Variants in RBFOX3 observed in about 807,000 individuals in gnomAD.
RBFOX3 encodes the protein RNA binding fox-1 homolog 3, also known as RNA binding protein fox-1 homolog 3.
In RBFOX3, 17 loss-of-function variants were observed where a neutral mutation model predicts 48.7. The ratio of observed to expected loss-of-function variants is 0.35; its 90% CI spans 0.24 to 0.52. The LOEUF (loss-of-function observed/expected upper bound fraction) is 0.52, where lower values mean the gene tolerates loss of function less well. Among genes scored for constraint, RBFOX3 ranks in the 20% least tolerant of loss-of-function variants. The pLI is 0.94. For missense variants in RBFOX3, 382 were observed against 497.5 expected, an observed-to-expected ratio of 0.77 and a Z score of 2.21; for synonymous variants, 212 against 209.5, an observed-to-expected ratio of 1.01 and a Z score of -0.10.
At chr17:79,179,635 G>A (rs1475890126) in intron 4 of RBFOX3, among the ~76,000 whole-genome samples, 1 of 152,110 alleles carries the variant, frequency 6.6e-6, no homozygotes, top group South Asian at 2.1e-4. Flanking sequence ...TCTTTTATAG[G>A]AGACTGCAGT....
At chr17:79,576,002 T>C (rs2092845174) in intron 1 of RBFOX3, among the ~76,000 whole-genome samples, 1 of 152,218 alleles carries the variant, frequency 6.6e-6, no homozygotes, top group Non-Finnish European at 1.5e-5. Flanking sequence ...CTCTAGGGAT[T>C]AAGTCCAACA....
chr17:79,143,060 T>C (rs2042225405), intron 4 of RBFOX3, among the ~76,000 whole-genome samples: 1 of 152,046 alleles, frequency 6.6e-6, no homozygotes, highest in Non-Finnish European at 1.5e-5. Flanking sequence ...CTGCTTCCCA[T>C]CTGTAAAGGG....
chr17:79,211,143 G>T (rs1211212673), intron 4 of RBFOX3, among the ~76,000 whole-genome samples: 1 of 152,234 alleles, frequency 6.6e-6, no homozygotes, highest in Non-Finnish European at 1.5e-5. Context: ...AGCGTCCGGC[G>T]GTCTCAGTCC....
At chr17:79,285,912 A>G (rs1803901420) in intron 3 of RBFOX3, among the ~76,000 whole-genome samples, 1 of 152,084 alleles carries the variant, frequency 6.6e-6, no homozygotes, top group Admixed American at 6.6e-5. Context: ...TGAACTCCTG[A>G]CCTCAGATGA....
intron 1 of RBFOX3, among the ~76,000 whole-genome samples, chr17:79,513,040 G>A (rs1272611507): frequency 2.7e-5 from 4 of 146,076 alleles, no homozygotes; most frequent in East Asian, 2.0e-4. Context: ...TGTTACCATC[G>A]GGTACGGCCC....
intron 1 of RBFOX3, among the ~76,000 whole-genome samples, chr17:79,586,549 G>A (rs1163445709): frequency 1.3e-5 from 2 of 152,250 alleles, no homozygotes; most frequent in African/African-American, 2.4e-5. Context: ...GCATGAGGAC[G>A]TTCCTCAACT....
At chr17:79,305,265 G>T (rs757661073) in intron 3 of RBFOX3, among the ~76,000 whole-genome samples, 6 of 152,078 alleles carry the variant, frequency 3.9e-5, no homozygotes, top group African/African-American at 7.2e-5. Flanking sequence ...GGAACCCTGC[G>T]GCCGGCCAAG....
chr17:79,656,816 AG>A, the RBFOX3 span, among the ~76,000 whole-genome samples: 9 of 44,340 alleles, frequency 2.0e-4, no homozygotes, highest in South Asian at 2.4e-3. Context: ...GAAAAGAAAG[AG>A]AAAGAAAGAA....
chr17:79,455,308 T>C (rs1397326273), intron 2 of RBFOX3, among the ~76,000 whole-genome samples: 1 of 152,118 alleles, frequency 6.6e-6, no homozygotes, highest in Non-Finnish European at 1.5e-5. Context: ...CAGTGGCATC[T>C]GGGGAGGAGA....
At chr17:79,246,276 C>T (rs2063158459) in intron 3 of RBFOX3, among the ~76,000 whole-genome samples, 1 of 152,224 alleles carries the variant, frequency 6.6e-6, no homozygotes, top group South Asian at 2.1e-4. Context: ...GAGCCACCTT[C>T]CCTCCCTGCC....
At chr17:79,210,441 C>T (rs1395088079) in intron 4 of RBFOX3, among the ~76,000 whole-genome samples, 1 of 152,198 alleles carries the variant, frequency 6.6e-6, no homozygotes, top group Non-Finnish European at 1.5e-5. Flanking sequence ...GGACTTCCTA[C>T]CCATCAGGTC....
At chr17:79,526,761 C>A (rs2150043212) in intron 1 of RBFOX3, among the ~76,000 whole-genome samples, 1 of 152,340 alleles carries the variant, frequency 6.6e-6, no homozygotes, top group African/African-American at 2.4e-5. Context: ...ACCAGGCAGG[C>A]CTCATTCTCT....
chr17:79,223,138 A>G (rs555734296), intron 4 of RBFOX3, among the ~76,000 whole-genome samples: 1 of 152,248 alleles, frequency 6.6e-6, no homozygotes, highest in African/African-American at 2.4e-5. Context: ...GCCTCTGCCA[A>G]GTTAAGTTCC....
rs577738142 is a variant in RBFOX3 at position 79,381,566 on chromosome 17, T to C, written c.-174-73742A>G. 5.5e-4 allele frequency among the ~76,000 whole-genome samples: 83 copies of C among 152,284 alleles called. 2 individuals are homozygous for C. The highest frequency in any genetic ancestry group is 4.6e-3 in the Admixed American group (70 of 15,296). On this transcript the variant is annotated intron_variant, in intron 2 of 14. Coordinates refer to ENST00000693108, the MANE Select transcript of RBFOX3 (RefSeq NM_001350451.2). ...CAGGCAGGGCATCTTCTGGTGTCCA[T>C]GTTCCCCTCAACCCACACACCGGGC...
At chr17:79,470,901 A>G (rs1230682065) in intron 2 of RBFOX3, among the ~76,000 whole-genome samples, 2 of 151,980 alleles carry the variant, frequency 1.3e-5, no homozygotes, top group Admixed American at 6.6e-5. Context: ...GAAAATGTAT[A>G]CCTCCAGGGA....
chr17:79,349,899 G>A (rs536418843), intron 2 of RBFOX3, among the ~76,000 whole-genome samples: 74 of 151,878 alleles, frequency 4.9e-4, no homozygotes, highest in African/African-American at 1.7e-3. Flanking sequence ...CACCAGGACA[G>A]AATGGGTTCC....
chr17:79,354,126 G>T (rs1490812837), intron 2 of RBFOX3, among the ~76,000 whole-genome samples: 3 of 152,054 alleles, frequency 2.0e-5, no homozygotes, highest in Admixed American at 1.3e-4. Context: ...GCCTCCAGAG[G>T]GTCCATCAGT....
intron 1 of RBFOX3, among the ~76,000 whole-genome samples, chr17:79,588,383 A>G (rs1190262567): frequency 1.3e-5 from 2 of 152,220 alleles, no homozygotes; most frequent in African/African-American, 4.8e-5. Flanking sequence ...ATGAAGACCA[A>G]AAAACATCCT....
intron 5 of RBFOX3, among the ~76,000 whole-genome samples, chr17:79,113,979 A>G (rs987138728): frequency 1.3e-5 from 2 of 152,024 alleles, no homozygotes; most frequent in Non-Finnish European, 2.9e-5. Flanking sequence ...TCCGTCCCCA[A>G]GCTGTGTTAT....
Sources: allele counts gnomAD v4.1 joint callset (sites outside exome capture counted in the v4.1 genomes callset), GRCh38; gene constraint gnomAD v4.1.1; transcripts MANE v1.5; gene names NCBI Gene and HGNC (gene_info 2026-07-23, HGNC 2026-07-21).